The following CLVS1 variants were observed in gnomAD, a reference collection of about 807,000 sequenced individuals.
CLVS1 encodes clavesin 1.
CLVS1 carries 10 observed loss-of-function variants against 33.1 expected under a neutral mutation model. The ratio of observed to expected loss-of-function variants is 0.30; its 90% CI spans 0.19 to 0.51. The LOEUF is 0.51. Ranked by LOEUF, CLVS1 falls within the 20% of genes least tolerant of loss-of-function variation. The probability of loss-of-function intolerance (pLI) is 0.97; values close to 1 mark genes in which losing one functional copy is unlikely to be tolerated. For synonymous variants in CLVS1, 163 were observed against 166.1 expected, an observed-to-expected ratio of 0.98 and a Z score of 0.14; for missense variants, 343 against 433.4, an observed-to-expected ratio of 0.79 and a Z score of 1.85.
At chr8:61,278,355 G>T (rs559566888) in intron 2 of CLVS1, among the ~76,000 whole-genome samples, 7 of 152,170 alleles carry the variant, frequency 4.6e-5, no homozygotes, top group Non-Finnish European at 1.0e-4. Context: ...AATAGCATAA[G>T]TTTACTGTAA....
At chr8:61,029,287 T>C in the CLVS1 span, among the ~76,000 whole-genome samples, 1 of 152,162 alleles carries the variant, frequency 6.6e-6, no homozygotes. Context: ...TTCCACCTGG[T>C]GTCGGTGAGG....
chr8:61,106,213 C>G (rs527627748), intron 1 of CLVS1, among the ~76,000 whole-genome samples: 2 of 152,228 alleles, frequency 1.3e-5, no homozygotes, highest in African/African-American at 4.8e-5. Flanking sequence ...AAGCATGAAG[C>G]CAGTGCCAGA....
chr8:61,071,502 A>G (rs1334909528), intron 1 of CLVS1, among the ~76,000 whole-genome samples: 1 of 152,216 alleles, frequency 6.6e-6, no homozygotes, highest in Non-Finnish European at 1.5e-5. Context: ...TAAGGACATC[A>G]TAATAACATT....
chr8:61,193,062 C>T lies in CLVS1; in HGVS notation c.-152+61202C>T, dbSNP rs192587519. On this transcript the variant is annotated intron_variant, in intron 2 of 2. Coordinates refer to the CLVS1 transcript ENST00000522621. The stretch of plus-strand genomic sequence containing the variant: ...TATAAATCATGCTGCTATAAAGACA[C>T]ATTCACACGTATGTTTACTGCGGCA... Among the ~76,000 whole-genome samples, 124 of 152,304 alleles carry T rather than the reference C, an allele frequency of 8.1e-4. 2 individuals are homozygous for T. The East Asian group carries it at 0.019, about 24-fold the overall frequency.
At chr8:61,199,849 C>T (rs570371682) in intron 2 of CLVS1, among the ~76,000 whole-genome samples, 25 of 152,314 alleles carry the variant, frequency 1.6e-4, no homozygotes, top group African/African-American at 4.8e-4. Flanking sequence ...TCTTCCCCCT[C>T]ATATTTTACC....
chr8:61,171,686 C>T (rs1228396800), intron 2 of CLVS1, among the ~76,000 whole-genome samples: 1 of 152,066 alleles, frequency 6.6e-6, no homozygotes, highest in East Asian at 1.9e-4. Context: ...ATGCTGAGTG[C>T]ACAAGGGGAT....
At chr8:61,055,449 A>G (rs1248411338), upstream of CLVS1, among the ~76,000 whole-genome samples, 1 of 152,114 alleles carries the variant, frequency 6.6e-6, no homozygotes, top group African/African-American at 2.4e-5. Flanking sequence ...CCTTTTTGCT[A>G]ATTTACTTTG....
chr8:61,492,888 T>A (rs1269188026), intron 5 of CLVS1, among the ~76,000 whole-genome samples: 3 of 152,240 alleles, frequency 2.0e-5, no homozygotes, highest in African/African-American at 7.2e-5. Flanking sequence ...TTTTGCCTGC[T>A]AGGATGATTC....
the CLVS1 span, among the ~76,000 whole-genome samples, chr8:60,986,336 T>C: frequency 6.6e-6 from 1 of 152,228 alleles, no homozygotes; most frequent in African/African-American, 2.4e-5. Context: ...GTGAAGAATC[T>C]TGAACTTATT....
intron 2 of CLVS1, among the ~76,000 whole-genome samples, chr8:61,324,563 T>G (rs1250879692): frequency 6.6e-6 from 1 of 152,024 alleles, no homozygotes; most frequent in African/African-American, 2.4e-5. Flanking sequence ...AATGTGGAAG[T>G]GACTTTGGAA....
intron 2 of CLVS1, among the ~76,000 whole-genome samples, chr8:61,348,681 G>A (rs942381849): frequency 4.7e-4 from 71 of 151,994 alleles, no homozygotes; most frequent in African/African-American, 1.5e-3. Flanking sequence ...CTCAGTGAAC[G>A]TGGGAGTGCA....
At chr8:61,198,482 C>T (rs994498682) in intron 2 of CLVS1, among the ~76,000 whole-genome samples, 1 of 152,150 alleles carries the variant, frequency 6.6e-6, no homozygotes. Context: ...TGGGTTCGAG[C>T]GATTCTCCTG....
At chr8:60,965,615 G>A in the CLVS1 span, among the ~76,000 whole-genome samples, 2 of 152,122 alleles carry the variant, frequency 1.3e-5, no homozygotes, top group African/African-American at 4.8e-5. Flanking sequence ...ACAGAACCTG[G>A]ATGATGAAAC....
chr8:61,227,842 C>T (rs949560836), intron 2 of CLVS1, among the ~76,000 whole-genome samples: 1 of 151,916 alleles, frequency 6.6e-6, no homozygotes, highest in Non-Finnish European at 1.5e-5. Flanking sequence ...ACTTTCAATG[C>T]TAAAGCTGTG....
chr8:61,224,199 C>T (rs963647900), intron 2 of CLVS1, among the ~76,000 whole-genome samples: 1 of 152,126 alleles, frequency 6.6e-6, no homozygotes, highest in Admixed American at 6.5e-5. Flanking sequence ...CCGTCCAGTT[C>T]TGCCCCCTTA....
intron 2 of CLVS1, among the ~76,000 whole-genome samples, chr8:61,151,112 A>G (rs957541967): frequency 2.0e-5 from 3 of 152,124 alleles, no homozygotes; most frequent in African/African-American, 7.2e-5. Context: ...GACAGGCACA[A>G]ACTCTCGTAT....
intron 5 of CLVS1, among the ~76,000 whole-genome samples, chr8:61,484,600 G>A (rs2129608332): frequency 6.6e-6 from 1 of 152,234 alleles, no homozygotes; most frequent in South Asian, 2.1e-4. Flanking sequence ...CTACTTTAAA[G>A]TTCATATGGA....
intron 3 of CLVS1, among the ~76,000 whole-genome samples, chr8:61,396,016 C>T (rs1814514685): frequency 6.6e-6 from 1 of 152,098 alleles, no homozygotes; most frequent in Admixed American, 6.5e-5. Flanking sequence ...CACCATTCAC[C>T]CACTTATCCC....
At chr8:61,232,111 T>C (rs980693810) in intron 2 of CLVS1, among the ~76,000 whole-genome samples, 5 of 144,664 alleles carry the variant, frequency 3.5e-5, no homozygotes, top group African/African-American at 1.3e-4. Context: ...CTTGGCTCAC[T>C]GCAAGCTCCA....
Sources: allele counts gnomAD v4.1 joint callset (sites outside exome capture counted in the v4.1 genomes callset), GRCh38; gene constraint gnomAD v4.1.1; transcripts MANE v1.5; gene names NCBI Gene and HGNC (gene_info 2026-07-23, HGNC 2026-07-21).